The following LRMDA variants were observed in gnomAD, a reference collection of about 807,000 sequenced individuals.
LRMDA encodes the protein leucine rich melanocyte differentiation associated, also known as leucine-rich melanocyte differentiation-associated protein.
Under a neutral mutation model 29.8 loss-of-function variants are expected in LRMDA, and 18 were observed. The observed-to-expected ratio is 0.60, with a 90% confidence interval of 0.42 to 0.90. The LOEUF is 0.90. Ranked by LOEUF, LRMDA falls within the 40% of genes least tolerant of loss-of-function variation. LRMDA has a pLI of 0.00. For missense variants in LRMDA, 273 were observed against 273.9 expected, an observed-to-expected ratio of 1.00 and a Z score of 0.02; for synonymous variants, 125 against 109.4, an observed-to-expected ratio of 1.14 and a Z score of -0.89.
At chr10:75,580,164 T>C (rs780290423) in intron 2 of LRMDA, among the ~76,000 whole-genome samples, 43 of 152,326 alleles carry the variant, frequency 2.8e-4, no homozygotes, top group Non-Finnish European at 5.3e-4. Flanking sequence ...ATTGTACAGT[T>C]AGAAAATCCC....
chr10:76,063,050 G>A (rs1848728476), intron 5 of LRMDA, among the ~76,000 whole-genome samples: 3 of 152,182 alleles, frequency 2.0e-5, no homozygotes, highest in Non-Finnish European at 4.4e-5. Flanking sequence ...CCCTGTTCTG[G>A]CAAAGAGCAC....
At chr10:76,342,019 G>T (rs902753370) in intron 6 of LRMDA, among the ~76,000 whole-genome samples, 1 of 152,180 alleles carries the variant, frequency 6.6e-6, no homozygotes, top group East Asian at 1.9e-4. Context: ...TTCTGGAAGA[G>T]CATGTGGGAC....
intron 2 of LRMDA, among the ~76,000 whole-genome samples, chr10:75,735,334 G>A (rs1475795201): frequency 6.6e-6 from 1 of 152,186 alleles, no homozygotes; most frequent in Non-Finnish European, 1.5e-5. Flanking sequence ...GAAGTAGAGG[G>A]TGGCAGACCA....
intron 2 of LRMDA, among the ~76,000 whole-genome samples, chr10:75,824,259 C>T (rs1030711362): frequency 1.3e-5 from 2 of 152,142 alleles, no homozygotes; most frequent in Non-Finnish European, 2.9e-5. Flanking sequence ...AATGTAGCTA[C>T]TAGAAACATT....
chr10:75,445,222 G>A (rs1050165920), intron 2 of LRMDA, among the ~76,000 whole-genome samples: 1 of 152,164 alleles, frequency 6.6e-6, no homozygotes, highest in East Asian at 1.9e-4. Flanking sequence ...TTACAGGCAT[G>A]AGCCACCATG....
chr10:75,565,015 C>T (rs1024611979), intron 2 of LRMDA, among the ~76,000 whole-genome samples: 2 of 152,122 alleles, frequency 1.3e-5, no homozygotes, highest in South Asian at 2.1e-4. Flanking sequence ...CCCTTGGGTC[C>T]TCTCTCTGGC....
intron 6 of LRMDA, among the ~76,000 whole-genome samples, chr10:76,380,612 T>C (rs890438465): frequency 1.3e-4 from 18 of 142,190 alleles, no homozygotes; most frequent in Non-Finnish European, 2.5e-4. Flanking sequence ...GAGCTTGCAG[T>C]GAGCCGAGAT....
intron 2 of LRMDA, among the ~76,000 whole-genome samples, chr10:75,711,007 TG>T (rs1842429499): frequency 6.6e-6 from 1 of 152,224 alleles, no homozygotes; most frequent in Non-Finnish European, 1.5e-5. Context: ...AAAGTTCTCT[TG>T]GTTTGTTTGT....
At chr10:75,549,422 A>G (rs916562936) in intron 2 of LRMDA, among the ~76,000 whole-genome samples, 1 of 152,054 alleles carries the variant, frequency 6.6e-6, no homozygotes, top group Non-Finnish European at 1.5e-5. Context: ...TCCCATACCA[A>G]CAGACCACTG....
chr10:76,347,875 TG>T (rs1417945328), intron 6 of LRMDA, among the ~76,000 whole-genome samples: 1 of 152,224 alleles, frequency 6.6e-6, no homozygotes, highest in Non-Finnish European at 1.5e-5. Flanking sequence ...TATTAACATT[TG>T]TTTTTTTACA....
intron 2 of LRMDA, among the ~76,000 whole-genome samples, chr10:75,722,081 T>C (rs983700598): frequency 1.3e-5 from 2 of 152,176 alleles, no homozygotes; most frequent in Non-Finnish European, 2.9e-5. Flanking sequence ...AAATGCTGTC[T>C]GCTCATAAAA....
intron 2 of LRMDA, among the ~76,000 whole-genome samples, chr10:75,636,720 C>T (rs914595961): frequency 6.6e-6 from 1 of 152,042 alleles, no homozygotes; most frequent in Non-Finnish European, 1.5e-5. Flanking sequence ...TGGGTGAGAG[C>T]CCAGCGTCAT....
At chr10:76,240,045 A>G (rs908919301) in intron 5 of LRMDA, among the ~76,000 whole-genome samples, 6 of 152,044 alleles carry the variant, frequency 3.9e-5, no homozygotes, top group Admixed American at 2.0e-4. Flanking sequence ...TAAAAATAAA[A>G]ACAAAAACAA....
intron 2 of LRMDA, among the ~76,000 whole-genome samples, chr10:75,740,747 T>G (rs1349595739): frequency 6.6e-6 from 1 of 152,180 alleles, no homozygotes; most frequent in African/African-American, 2.4e-5. Flanking sequence ...TGGTGCTTAG[T>G]AAGTAGCCCT....
intron 6 of LRMDA, among the ~76,000 whole-genome samples, chr10:76,554,895 G>A (rs1256955774): frequency 6.7e-6 from 1 of 149,416 alleles, no homozygotes; most frequent in Non-Finnish European, 1.5e-5. Flanking sequence ...GTGTGTGTGT[G>A]TGGTGTGTGT....
chr10:75,455,663 T>A (rs1030582322), intron 2 of LRMDA, among the ~76,000 whole-genome samples: 2 of 152,176 alleles, frequency 1.3e-5, no homozygotes, highest in African/African-American at 4.8e-5. Context: ...AGGTGAGACC[T>A]GGGTTGGCTC....
intron 2 of LRMDA, among the ~76,000 whole-genome samples, chr10:75,969,081 CT>C (rs1164676464): frequency 6.6e-6 from 1 of 152,186 alleles, no homozygotes; most frequent in Non-Finnish European, 1.5e-5. Flanking sequence ...CCACTGTTGG[CT>C]GTTGCAAGAA....
At chr10:76,449,569 C>T (rs1040068903) in intron 6 of LRMDA, among the ~76,000 whole-genome samples, 6 of 151,818 alleles carry the variant, frequency 4.0e-5, no homozygotes, top group Admixed American at 2.0e-4. Context: ...AAACTTAAGG[C>T]ATTCATATCT....
intron 5 of LRMDA, among the ~76,000 whole-genome samples, chr10:76,135,361 T>C (rs7915302): frequency 0.33 from 50,591 of 152,126 alleles, 9,524 homozygotes; most frequent in East Asian, 0.65. Flanking sequence ...TGATTTCAGA[T>C]TTAAGTGGTA....
Sources: gnomAD v4.1 joint callset for allele counts (sites outside exome capture counted in the v4.1 genomes callset) on GRCh38, gnomAD v4.1.1 for gene constraint, MANE v1.5 for transcripts, NCBI Gene and HGNC (gene_info 2026-07-23, HGNC 2026-07-21) for gene names.